The following PPP6R2 variants were observed in gnomAD, a reference collection of about 807,000 sequenced individuals.
The protein encoded by PPP6R2 is protein phosphatase 6 regulatory subunit 2.
PPP6R2 carries 62 observed loss-of-function variants against 100.2 expected under a neutral mutation model. That is an observed-to-expected ratio of 0.62 (90% CI 0.50 to 0.76). The LOEUF (loss-of-function observed/expected upper bound fraction) is 0.76, where lower values mean the gene tolerates loss of function less well. Ranked by LOEUF, PPP6R2 falls within the 30% of genes least tolerant of loss-of-function variation. The probability of loss-of-function intolerance (pLI) is 0.00; values close to 1 mark genes in which losing one functional copy is unlikely to be tolerated. For missense variants in PPP6R2, 1,142 were observed against 1,276.3 expected (o/e 0.89, Z 1.60); for synonymous variants, 525 against 514.7 (o/e 1.02, Z -0.27).
At position 50,423,427 on chromosome 22, in the gene PPP6R2, A is replaced by G. The variant is rs759872881; in HGVS notation, c.973-35A>G. 2 of 1,612,746 alleles carry G rather than the reference A, an allele frequency of 1.2e-6. No individual in the cohort carries two copies. Among genetic ancestry groups the G allele is most frequent in the South Asian group, 2.2e-5 (2 of 91,046 alleles). On this transcript the variant is annotated intron_variant, in intron 9 of 23. Transcript: ENST00000612753. The surrounding 1 kb of genome is among the most constrained non-coding windows in gnomAD (Gnocchi z 4.8). ...CTCCAGCAGTGGCCTCACTGCTCACAGGGCCTAACTGGGTGGTGCCTTCTG... is the reference window on the plus strand; with the variant it reads ...CTCCAGCAGTGGCCTCACTGCTCACGGGGCCTAACTGGGTGGTGCCTTCTG...
At chr22:50,401,065 T>G (rs545046828) in intron 3 of PPP6R2, among the ~76,000 whole-genome samples, 84 of 152,242 alleles carry the variant, frequency 5.5e-4, no homozygotes, top group African/African-American at 1.9e-3. Context: ...CTACCATTAT[T>G]TTTTGTTTGT....
rs2059012616 is a variant in PPP6R2, at chr22:50,406,767, G to T, written c.306G>T (p.Leu102=). Residue 102 remains leucine, a synonymous_variant, in exon 4 of 24, where the codon CTG becomes CTT. Coordinates refer to ENST00000612753, the MANE Select transcript of PPP6R2 (RefSeq NM_001242898.2). Reference sequence around the variant, plus strand: ...ACCGCCTCGGTGGGGACGAGAGCCTGCTGAGCCTCCTGTACGACTTCTTGG... The same window carrying T: ...ACCGCCTCGGTGGGGACGAGAGCCTTCTGAGCCTCCTGTACGACTTCTTGG... The part of the protein sequence containing the change: ...ISDRLGGDES[L]LSLLYDFLDH... 2 of 1,614,084 alleles carry T rather than the reference G, an allele frequency of 1.2e-6. No individual in the cohort carries two copies. Among genetic ancestry groups the T allele is most frequent in the Non-Finnish European group, 1.7e-6 (2 of 1,179,974 alleles).
the PPP6R2 span, among the ~76,000 whole-genome samples, chr22:50,331,869 C>T: frequency 3.3e-5 from 5 of 152,286 alleles, no homozygotes; most frequent in East Asian, 3.9e-4. Context: ...ATCCACCCGC[C>T]TTGGCCTCTC....
chr22:50,374,272 T>C (rs2050948991), intron 2 of PPP6R2, among the ~76,000 whole-genome samples: 2 of 151,840 alleles, frequency 1.3e-5, no homozygotes, highest in Admixed American at 6.6e-5. Context: ...AAGGTGGAGG[T>C]TGCAGCGAGA....
chr22:50,338,796 A>AG (rs2042333584), upstream of PPP6R2, among the ~76,000 whole-genome samples: 1 of 69,668 alleles, frequency 1.4e-5, no homozygotes, highest in African/African-American at 6.5e-5. Flanking sequence ...TGTGGTGTGT[A>AG]TGTACGGTGT....
rs930232471 is a variant in PPP6R2, at chr22:50,418,911, G to C, written c.663G>C (p.Leu221=). ...AGACTCTCTGTGACATAGTTAGGCT[G>C]GGCAGAGACCAGGGCAGTCAGCTGC... ...ASQTLCDIVR[L]GRDQGSQLQE... The change falls in exon 7 of 24, where the codon CTG becomes CTC. Residue 221 remains leucine, a synonymous_variant. Coordinates refer to ENST00000612753, the MANE Select transcript of PPP6R2 (RefSeq NM_001242898.2). 1 of 1,613,902 alleles carries C rather than the reference G, an allele frequency of 6.2e-7. No homozygotes were observed. Among genetic ancestry groups the C allele is most frequent in the Non-Finnish European group, 8.5e-7 (1 of 1,179,850 alleles).
intron 5 of PPP6R2, among the ~76,000 whole-genome samples, chr22:50,415,617 G>C (rs1437985640): frequency 6.6e-6 from 1 of 152,252 alleles, no homozygotes; most frequent in African/African-American, 2.4e-5. Flanking sequence ...GTACGGCCCA[G>C]GCCTGCCAGA....
chr22:50,395,976 CCTCAGGTCAG>C (rs2056722065), intron 3 of PPP6R2, among the ~76,000 whole-genome samples: 1 of 149,256 alleles, frequency 6.7e-6, no homozygotes. Flanking sequence ...GGGCGGATCA[CCTCAGGTCAG>C]GAGTTCGAAA....
intron 1 of PPP6R2, among the ~76,000 whole-genome samples, chr22:50,364,545 AAAT>A (rs2048373568): frequency 6.6e-6 from 1 of 152,200 alleles, no homozygotes; most frequent in African/African-American, 2.4e-5. Flanking sequence ...TCATAATTAA[AAAT>A]AAAAATATTT....
chr22:50,391,442 A>AAAAG (rs1288529759), intron 2 of PPP6R2, among the ~76,000 whole-genome samples: 1 of 151,158 alleles, frequency 6.6e-6, no homozygotes, highest in African/African-American at 2.4e-5. Flanking sequence ...CAAAAAAAAA[A>AAAAG]AAAAAAAAAA....
At chr22:50,407,933 A>G (rs2147200419) in intron 4 of PPP6R2, among the ~76,000 whole-genome samples, 1 of 152,338 alleles carries the variant, frequency 6.6e-6, no homozygotes, top group South Asian at 2.1e-4. Flanking sequence ...CCCAGGCTAG[A>G]GTCCACTGGC....
rs144614869 is a variant in PPP6R2, at chr22:50,435,043, G to A, written c.1478G>A (p.Arg493Gln). 367 of 1,596,510 alleles carry A rather than the reference G, an allele frequency of 2.3e-4. No individual in the cohort carries two copies. The highest frequency in any genetic ancestry group is 1.5e-3 in the Middle Eastern group (8 of 5,362). Reference protein sequence around the residue: ...IANAVVQNLERGPVQTHISEV... With the variant: ...IANAVVQNLEQGPVQTHISEV... The stretch of plus-strand genomic sequence containing the variant: ...AACGCGGTGGTGCAGAACCTGGAGC[G>A]GGGCCCTGTGCAGACGCACATCAGC... The change falls in exon 13 of 24, where the codon CGG becomes CAG. Residue 493 changes from arginine (R) to glutamine (Q), a missense_variant. Physicochemically the swap from Arg to Gln is conservative, Grantham distance 43 (BLOSUM62 1). This residue lies in a region of PPP6R2 where 592 missense variants were observed against 758.9 expected (regional missense o/e 0.78). Transcript: ENST00000612753.
chr22:50,383,738 A>C (rs563166768), intron 2 of PPP6R2, among the ~76,000 whole-genome samples: 1 of 152,256 alleles, frequency 6.6e-6, no homozygotes, highest in South Asian at 2.1e-4. Context: ...AAATTAACTT[A>C]AAAAGGAAAA....
At chr22:50,339,740 A>C (rs2042348294), upstream of PPP6R2, among the ~76,000 whole-genome samples, 1 of 78,618 alleles carries the variant, frequency 1.3e-5, no homozygotes, top group South Asian at 4.4e-4. Flanking sequence ...TGTGTGTGGT[A>C]TATAGTATGT....
At chr22:50,372,755 C>A (rs113754609) in intron 2 of PPP6R2, among the ~76,000 whole-genome samples, 27,371 of 149,486 alleles carry the variant, frequency 0.18, 2,727 homozygotes, top group South Asian at 0.36. Context: ...GTGGTGTGAT[C>A]TCGGCTCACT....
chr22:50,355,461 C>T (rs549947409), intron 1 of PPP6R2, among the ~76,000 whole-genome samples: 2 of 151,460 alleles, frequency 1.3e-5, no homozygotes, highest in Admixed American at 1.3e-4. Flanking sequence ...CTCCTAACCT[C>T]GTGATCGGCC....
intron 4 of PPP6R2, among the ~76,000 whole-genome samples, chr22:50,408,251 A>G (rs1372276479): frequency 1.3e-5 from 2 of 152,142 alleles, no homozygotes; most frequent in Admixed American, 1.3e-4. Context: ...TCACACTCCA[A>G]AAATATTAAC....
At chr22:50,332,832 C>T in the PPP6R2 span, among the ~76,000 whole-genome samples, 2 of 151,992 alleles carry the variant, frequency 1.3e-5, no homozygotes, top group Admixed American at 6.6e-5. Context: ...CCATGTTGGC[C>T]AGGATGGTCT....
rs79036281 is a variant in PPP6R2, at chr22:50,444,399, G to A, written c.*152G>A. 1,394 of 1,049,378 alleles carry A rather than the reference G, an allele frequency of 1.3e-3. 14 individuals carry two copies. The African/African-American group carries it at 0.018, about 14-fold the overall frequency. 65.0% of individuals were successfully genotyped at this position (1,049,378 alleles called of 1,614,324 possible). A position where few individuals can be genotyped will look rare whatever the true frequency, so the allele number is the denominator to read the frequency against. Reference sequence around the variant, plus strand: ...AGCTGGCAGTTGAAACCAGTTGGACGGCCCAGCTTGCGTCTCTTCTGCCTG... The same window carrying A: ...AGCTGGCAGTTGAAACCAGTTGGACAGCCCAGCTTGCGTCTCTTCTGCCTG... On this transcript the variant is annotated 3_prime_UTR_variant, in exon 24 of 24. Transcript: ENST00000612753.
Sources: allele counts gnomAD v4.1 joint callset (sites outside exome capture counted in the v4.1 genomes callset), GRCh38; gene constraint gnomAD v4.1.1; regional missense constraint gnomAD v4.1.1; non-coding constraint Gnocchi (gnomAD v3.1); transcripts MANE v1.5; gene names NCBI Gene and HGNC (gene_info 2026-07-23, HGNC 2026-07-21).